NOX4: variants seen among roughly 807,000 people sequenced by gnomAD.
NOX4 encodes NADPH oxidase 4, also known as kidney oxidase-1.
A neutral mutation model predicts 87.6 loss-of-function variants in NOX4; 69 were observed. The ratio of observed to expected loss-of-function variants is 0.79; its 90% CI spans 0.65 to 0.96. The LOEUF (loss-of-function observed/expected upper bound fraction) is 0.96. Among genes scored for constraint, NOX4 ranks in the 40% least tolerant of loss-of-function variants. The pLI is 0.00. For missense variants in NOX4, 680 were observed against 681.5 expected (o/e 1.00, Z 0.02); for synonymous variants, 275 against 238.2 (o/e 1.15, Z -1.42).
At chr11:89,488,580 T>C (rs2135492029) in intron 2 of NOX4, among the ~76,000 whole-genome samples, 1 of 152,340 alleles carries the variant, frequency 6.6e-6, no homozygotes, top group South Asian at 2.1e-4. Flanking sequence ...TAGCTTATAC[T>C]ATCTCACAAA....
intron 8 of NOX4, among the ~76,000 whole-genome samples, chr11:89,420,622 G>A (rs1289727362): frequency 1.3e-5 from 2 of 151,974 alleles, no homozygotes; most frequent in African/African-American, 2.4e-5. Flanking sequence ...AAAAGCCAAA[G>A]CAACAGTTTG....
intron 2 of NOX4, among the ~76,000 whole-genome samples, chr11:89,480,692 T>C (rs1208655350): frequency 6.6e-6 from 1 of 152,116 alleles, no homozygotes; most frequent in Non-Finnish European, 1.5e-5. Context: ...CCTTGTAGAA[T>C]AGTGGAGACT....
the NOX4 span, among the ~76,000 whole-genome samples, chr11:89,536,749 C>T: frequency 6.6e-6 from 1 of 152,080 alleles, no homozygotes; most frequent in Non-Finnish European, 1.5e-5. Context: ...TGATTATGAA[C>T]AGCTAGATAC....
the NOX4 span, among the ~76,000 whole-genome samples, chr11:89,534,801 C>T: frequency 6.6e-6 from 1 of 152,192 alleles, no homozygotes; most frequent in African/African-American, 2.4e-5. Flanking sequence ...CTTTGGCAAG[C>T]TTGGCTGTCG....
chr11:89,450,540 C>T (rs186295625), intron 3 of NOX4, among the ~76,000 whole-genome samples: 9 of 152,158 alleles, frequency 5.9e-5, no homozygotes, highest in Non-Finnish European at 2.9e-5. Flanking sequence ...CTTCATTTTA[C>T]AACACTGCAT....
intron 6 of NOX4, among the ~76,000 whole-genome samples, chr11:89,438,935 TA>T (rs1944325763): frequency 1.5e-5 from 1 of 67,794 alleles, no homozygotes; most frequent in African/African-American, 5.4e-5. Context: ...TATAATAATA[TA>T]ATATATATTA....
intron 2 of NOX4, among the ~76,000 whole-genome samples, chr11:89,456,712 C>A (rs978676151): frequency 6.6e-6 from 1 of 152,126 alleles, no homozygotes; most frequent in Non-Finnish European, 1.5e-5. Context: ...ATGACTCCCA[C>A]GGACACTTGA....
At chr11:89,431,081 C>T (rs894449513) in intron 7 of NOX4, among the ~76,000 whole-genome samples, 4 of 152,172 alleles carry the variant, frequency 2.6e-5, no homozygotes, top group African/African-American at 7.2e-5. Context: ...CTTTGACAAA[C>T]CTGACAAAAA....
the NOX4 span, among the ~76,000 whole-genome samples, chr11:89,539,514 AACTG>A: frequency 1.3e-5 from 2 of 152,094 alleles, no homozygotes; most frequent in African/African-American, 2.4e-5. Context: ...TGGCAGACCA[AACTG>A]ACTGACAGAC....
chr11:89,490,489 G>A lies in NOX4; in HGVS notation c.122C>T (p.Pro41Leu), dbSNP rs1355315181. The A allele has an allele frequency of 6.2e-7, 1 of 1,613,808 alleles. No individual in the cohort carries two copies. The highest frequency in any genetic ancestry group is 1.1e-5 in the South Asian group (1 of 91,064). ...CATCTGGTGGAGGTAGTGATACTCTGGCCCTTGGTTATACAGCAAGAAGGT... is the reference window on the plus strand; with the variant it reads ...CATCTGGTGGAGGTAGTGATACTCTAGCCCTTGGTTATACAGCAAGAAGGT... The part of the protein sequence containing the change: ...WKTFLLYNQG[P>L]EYHYLHQMLG... Residue 41 changes from proline (P) to leucine (L), a missense_variant, in exon 2 of 18, where the codon CCA becomes CTA. Physicochemically the swap from Pro to Leu is moderately conservative, Grantham distance 98. Coordinates refer to ENST00000263317, the MANE Select transcript of NOX4 (RefSeq NM_016931.5).
chr11:89,460,005 C>T (rs2135412151), intron 2 of NOX4, among the ~76,000 whole-genome samples: 1 of 152,188 alleles, frequency 6.6e-6, no homozygotes, highest in African/African-American at 2.4e-5. Flanking sequence ...GAAATAATAC[C>T]ACACATCTAC....
the NOX4 span, among the ~76,000 whole-genome samples, chr11:89,525,261 T>G: frequency 1.3e-5 from 2 of 152,064 alleles, no homozygotes; most frequent in Non-Finnish European, 1.5e-5. Flanking sequence ...TTGATCATAT[T>G]GTAGATGTAT....
intron 2 of NOX4, among the ~76,000 whole-genome samples, chr11:89,474,771 T>A (rs1402872635): frequency 6.6e-6 from 1 of 152,000 alleles, no homozygotes; most frequent in Admixed American, 6.6e-5. Flanking sequence ...GTGTTTAATA[T>A]ACAGAATCAG....
intron 17 of NOX4, among the ~76,000 whole-genome samples, chr11:89,332,007 C>T (rs1945496407): frequency 6.6e-6 from 1 of 151,678 alleles, no homozygotes; most frequent in Admixed American, 6.6e-5. Flanking sequence ...ATCTGGAGAC[C>T]TGTCTACTAG....
intron 8 of NOX4, among the ~76,000 whole-genome samples, chr11:89,418,436 A>C (rs1942908249): frequency 7.1e-6 from 1 of 140,934 alleles, no homozygotes; most frequent in Admixed American, 7.0e-5. Flanking sequence ...AATAATAATA[A>C]TAATAATAAT....
chr11:89,446,026 A>T (rs1362613837), intron 4 of NOX4, among the ~76,000 whole-genome samples: 1 of 152,154 alleles, frequency 6.6e-6, no homozygotes, highest in East Asian at 1.9e-4. Context: ...ACAAGAAAAC[A>T]AACAACCCAA....
chr11:89,373,683 T>C (rs1939628066), intron 11 of NOX4, among the ~76,000 whole-genome samples, 191 bp from the exon 12 acceptor site: 1 of 152,072 alleles, frequency 6.6e-6, no homozygotes, highest in African/African-American at 2.4e-5. Context: ...TAAGACAATC[T>C]ACATTTCTCT....
the NOX4 span, among the ~76,000 whole-genome samples, chr11:89,511,749 T>C: frequency 0.058 from 8,740 of 151,980 alleles, 593 homozygotes; most frequent in African/African-American, 0.16. Flanking sequence ...ATTTTTCAGG[T>C]TTCTTGTTTT....
chr11:89,463,625 C>T (rs369627255), intron 2 of NOX4, among the ~76,000 whole-genome samples: 198 of 151,962 alleles, frequency 1.3e-3, no homozygotes, highest in South Asian at 9.5e-3. Flanking sequence ...AAATATAGTT[C>T]CTGAAAGGGA....
Sources: gnomAD v4.1 joint callset for allele counts (sites outside exome capture counted in the v4.1 genomes callset) on GRCh38, gnomAD v4.1.1 for gene constraint, MANE v1.5 for transcripts, NCBI Gene and HGNC (gene_info 2026-07-23, HGNC 2026-07-21) for gene names.